PTER: variants seen among roughly 807,000 people sequenced by gnomAD.
PTER encodes the protein N-acetyltaurine hydrolase.
In PTER, 38 loss-of-function variants were observed where a neutral mutation model predicts 29.6. The observed-to-expected ratio is 1.28, with a 90% CI of 0.99 to 1.68. PTER has a LOEUF of 1.68. Among genes scored for constraint, PTER ranks in the 40% most tolerant of loss-of-function variants. The probability of loss-of-function intolerance (pLI) is 0.00; values close to 1 mark genes in which losing one functional copy is unlikely to be tolerated. For missense variants in PTER, 482 were observed against 427.8 expected, an observed-to-expected ratio of 1.13 and a Z score of -1.12; for synonymous variants, 172 against 154.5, an observed-to-expected ratio of 1.11 and a Z score of -0.84.
At chr10:16,446,932 G>A (rs1834034475) in intron 1 of PTER, among the ~76,000 whole-genome samples, 1 of 151,970 alleles carries the variant, frequency 6.6e-6, no homozygotes, top group Admixed American at 6.6e-5. Flanking sequence ...GGGATTACAG[G>A]CGTGCGCTAC....
intron 2 of PTER, among the ~76,000 whole-genome samples, chr10:16,486,074 A>G (rs191622830): frequency 6.6e-6 from 1 of 152,230 alleles, no homozygotes. Context: ...ATGTACTCTC[A>G]TTAAGTCACT....
chr10:16,448,302 C>G (rs1211014314), intron 1 of PTER, among the ~76,000 whole-genome samples: 1 of 151,588 alleles, frequency 6.6e-6, no homozygotes, highest in Non-Finnish European at 1.5e-5. Flanking sequence ...GGCAGAGGAG[C>G]TTGCATAGTA....
intron 1 of PTER, among the ~76,000 whole-genome samples, chr10:16,466,761 G>A (rs1001328153): frequency 1.3e-5 from 2 of 152,182 alleles, no homozygotes; most frequent in Admixed American, 1.3e-4. Flanking sequence ...ACTTGTGTGG[G>A]AAATACCTTT....
chr10:16,494,544 C>G (rs1245168956), intron 3 of PTER, among the ~76,000 whole-genome samples: 1 of 152,152 alleles, frequency 6.6e-6, no homozygotes, highest in Non-Finnish European at 1.5e-5. Context: ...AAAGTCATGC[C>G]TCCGTGCAAA....
intron 1 of PTER, among the ~76,000 whole-genome samples, chr10:16,483,806 C>T (rs901622124): frequency 2.0e-5 from 3 of 152,046 alleles, no homozygotes; most frequent in East Asian, 1.9e-4. Flanking sequence ...GAGCTGAGAT[C>T]GTACCACTGC....
chr10:16,495,403 C>T (rs1836057892), intron 3 of PTER, among the ~76,000 whole-genome samples: 1 of 152,192 alleles, frequency 6.6e-6, no homozygotes, highest in Non-Finnish European at 1.5e-5. Context: ...CTATCGACCT[C>T]AAGTGATCCA....
At chr10:16,497,790 T>C (rs554626637) in intron 3 of PTER, among the ~76,000 whole-genome samples, 3 of 152,172 alleles carry the variant, frequency 2.0e-5, no homozygotes, top group Admixed American at 6.5e-5. Context: ...CCTCAGCATA[T>C]GGATAAGATC....
chr10:16,506,881 G>A (rs1836591887), intron 4 of PTER, among the ~76,000 whole-genome samples: 1 of 152,026 alleles, frequency 6.6e-6, no homozygotes, highest in Non-Finnish European at 1.5e-5. Flanking sequence ...AGACCTAGTT[G>A]AGTCTAGAAA....
chr10:16,470,770 A>G (rs1444521159), intron 1 of PTER, among the ~76,000 whole-genome samples: 1 of 152,056 alleles, frequency 6.6e-6, no homozygotes, highest in African/African-American at 2.4e-5. Context: ...TCCATCTCAA[A>G]AAAAACAAAA....
downstream of PTER, chr10:16,514,749 T>G (rs1268461319): frequency 1.3e-6 from 2 of 1,496,256 alleles, no homozygotes; most frequent in Non-Finnish European, 1.8e-6. Flanking sequence ...AAATGAGAAT[T>G]CTCAAGTTTT....
chr10:16,456,045 G>C (rs1030928752), intron 1 of PTER, among the ~76,000 whole-genome samples: 1 of 152,180 alleles, frequency 6.6e-6, no homozygotes, highest in African/African-American at 2.4e-5. Flanking sequence ...CCGGAATGCT[G>C]TGATTTGCCA....
chr10:16,468,697 A>G (rs1834934338), intron 1 of PTER, among the ~76,000 whole-genome samples: 1 of 152,180 alleles, frequency 6.6e-6, no homozygotes, highest in Non-Finnish European at 1.5e-5. Flanking sequence ...GAAGGTAGCT[A>G]GGTGCAATGG....
At chr10:16,506,884 T>A (rs1836592112) in intron 4 of PTER, among the ~76,000 whole-genome samples, 1 of 151,890 alleles carries the variant, frequency 6.6e-6, no homozygotes, top group African/African-American at 2.4e-5. Context: ...CCTAGTTGAG[T>A]CTAGAAATCA....
At chr10:16,480,806 G>A (rs117050665) in intron 1 of PTER, among the ~76,000 whole-genome samples, 1 of 152,134 alleles carries the variant, frequency 6.6e-6, no homozygotes, top group African/African-American at 2.4e-5. Context: ...CCAAACTACC[G>A]TCCTGCACAC....
chr10:16,507,880 G>T (rs1284227876), intron 4 of PTER, among the ~76,000 whole-genome samples: 1 of 151,968 alleles, frequency 6.6e-6, no homozygotes, highest in African/African-American at 2.4e-5. Flanking sequence ...TTCAATACAG[G>T]TGAACCTGTT....
chr10:16,487,096 T>A (rs990067754), intron 3 of PTER, among the ~76,000 whole-genome samples: 1 of 152,236 alleles, frequency 6.6e-6, no homozygotes, highest in African/African-American at 2.4e-5. Flanking sequence ...GTGGTTTGAA[T>A]CATCTGAATT....
At chr10:16,489,410 C>T (rs1271121005) in intron 3 of PTER, among the ~76,000 whole-genome samples, 1 of 152,074 alleles carries the variant, frequency 6.6e-6, no homozygotes, top group Non-Finnish European at 1.5e-5. Context: ...CTTTGTTTTA[C>T]TCTGATATAG....
chr10:16,484,491 G>A lies in PTER; in HGVS notation c.107G>A (p.Cys36Tyr). 1.2e-6 allele frequency: 2 copies of A among 1,614,008 alleles called. No individual in the cohort carries two copies. Among genetic ancestry groups the A allele is most frequent in the Non-Finnish European group, 1.7e-6 (2 of 1,180,000 alleles). ...HEHLAMTFDC[C>Y]YCPPPPCQEA... ...CACCTGGCCATGACCTTTGACTGCT[G>A]TTACTGTCCACCTCCCCCGTGCCAG... Residue 36 changes from cysteine (C) to tyrosine (Y), a missense_variant, in exon 2 of 5, where the codon TGT (cysteine) becomes TAT (tyrosine). Coordinates refer to ENST00000535784, the MANE Select transcript of PTER (RefSeq NM_001261836.2).
intron 1 of PTER, among the ~76,000 whole-genome samples, chr10:16,474,715 G>A (rs888183994): frequency 2.0e-5 from 3 of 151,956 alleles, no homozygotes; most frequent in Admixed American, 1.3e-4. Flanking sequence ...GTGAAACTCC[G>A]TCTCCGCTAA....
Sources: gnomAD v4.1 joint callset for allele counts (sites outside exome capture counted in the v4.1 genomes callset) on GRCh38, gnomAD v4.1.1 for gene constraint, MANE v1.5 for transcripts, NCBI Gene and HGNC (gene_info 2026-07-23, HGNC 2026-07-21) for gene names.